The following VCP variants were observed in gnomAD, a reference collection of about 807,000 sequenced individuals.
VCP encodes the protein transitional endoplasmic reticulum ATPase.
Under a neutral mutation model 85.7 loss-of-function variants are expected in VCP, and 6 were observed. The ratio of observed to expected loss-of-function variants is 0.07; its 90% CI spans 0.04 to 0.14. The LOEUF (loss-of-function observed/expected upper bound fraction) is 0.14. VCP is among the 10% of genes least tolerant of loss of function. The pLI, the probability that VCP is intolerant of heterozygous loss-of-function variation, is 1.00. For synonymous variants in VCP, 384 were observed against 367.1 expected (o/e 1.05, Z -0.53); for missense variants, 353 against 1,043.4 (o/e 0.34, Z 9.12).
intron 15 of VCP, among the ~76,000 whole-genome samples, chr9:35,058,299 T>G (rs146365533): frequency 9.2e-5 from 14 of 152,332 alleles, no homozygotes; most frequent in African/African-American, 3.4e-4. Flanking sequence ...GTCCCATGTT[T>G]GGAACTTAAT....
intron 4 of VCP, among the ~76,000 whole-genome samples, chr9:35,065,775 A>T (rs955656101): frequency 3.9e-5 from 6 of 152,178 alleles, no homozygotes; most frequent in Admixed American, 1.3e-4. Flanking sequence ...TGGAACAGAG[A>T]AGGGGAGAGA....
chr9:35,059,711 C>A lies in VCP; in HGVS notation c.1786G>T (p.Ala596Ser), dbSNP rs1828682893. ...ATCTGGTTGATGACTCGGTCAGCAG[C>A]CCCACCACCATCTCCAATGTTACCT... ...RGGNIGDGGGAADRVINQILT... is the reference protein window; with the variant it reads ...RGGNIGDGGGSADRVINQILT... Residue 596 changes from alanine to serine, a missense_variant, in exon 14 of 17, where the codon GCT becomes TCT. Physicochemically the swap from Ala to Ser is moderately conservative, Grantham distance 99. Transcript: ENST00000358901. The surrounding 1 kb of genome is among the most constrained non-coding windows in gnomAD (Gnocchi z 4.9). The A allele has an allele frequency of 1.2e-6, 2 of 1,614,012 alleles. No homozygotes were observed. The highest frequency in any genetic ancestry group is 8.5e-7 in the Non-Finnish European group (1 of 1,180,022).
chr9:35,072,487 C>G lies in VCP; in HGVS notation c.-134G>C. On this transcript the variant is annotated 5_prime_UTR_variant, in exon 1 of 17. Coordinates refer to ENST00000358901, the MANE Select transcript of VCP (RefSeq NM_007126.5). ...GCAGCGGCGACAAACCCGCAAGCGG[C>G]TTCCCTCTCGCTTCCTCCCACCGGC... 3.4e-6 allele frequency: 4 copies of G among 1,192,436 alleles called. No homozygotes were observed. The highest frequency in any genetic ancestry group is 2.6e-4 in the Middle Eastern group (1 of 3,898). The allele number at this position is 1,192,436 out of a possible 1,614,324, so 73.9% of individuals were successfully genotyped here.
chr9:35,072,406 G>T lies in VCP; in HGVS notation c.-53C>A. The T allele has an allele frequency of 1.4e-6, 2 of 1,462,430 alleles. No homozygotes were observed. The highest frequency in any genetic ancestry group is 2.6e-5 in the South Asian group (2 of 75,782). 90.6% of individuals were successfully genotyped at this position (1,462,430 alleles called of 1,614,324 possible). A position where few individuals can be genotyped will look rare whatever the true frequency, so the allele number is the denominator to read the frequency against. On this transcript the variant is annotated 5_prime_UTR_variant, in exon 1 of 17. Coordinates refer to ENST00000358901, the MANE Select transcript of VCP (RefSeq NM_007126.5). ...GTGGCGGCCCGCGGGTAACGGCTAC[G>T]AGCGGTGGCAAGCGACCGACTGGGC...
chr9:35,070,766 T>A (rs1039999131), intron 1 of VCP, among the ~76,000 whole-genome samples: 9 of 152,162 alleles, frequency 5.9e-5, no homozygotes, highest in Non-Finnish European at 8.8e-5. Context: ...CAAAGCTGTA[T>A]CCTAGGAAAA....
chr9:35,072,468 G>C lies in VCP; in HGVS notation c.-115C>G, dbSNP rs1828979860. On this transcript the variant is annotated 5_prime_UTR_variant, in exon 1 of 17. Coordinates refer to ENST00000358901, the MANE Select transcript of VCP (RefSeq NM_007126.5). ...TCTTCCAGGCGGTGGGCGAGCAGCG[G>C]CGACAAACCCGCAAGCGGCTTCCCT... 7.7e-7 allele frequency: 1 copy of C among 1,305,002 alleles called. No homozygotes were observed. The highest frequency in any genetic ancestry group is 9.9e-7 in the Non-Finnish European group (1 of 1,010,432). The allele number at this position is 1,305,002 out of a possible 1,614,324, so 80.8% of individuals were successfully genotyped here. A position where few individuals can be genotyped will look rare whatever the true frequency, so the allele number is the denominator to read the frequency against.
intron 4 of VCP, 91 bp from the exon 5 acceptor site, chr9:35,065,472 T>A: frequency 6.4e-7 from 1 of 1,560,836 alleles, no homozygotes; most frequent in Non-Finnish European, 8.7e-7. Context: ...AATGCCAAGC[T>A]CATTAGATAG....
intron 15 of VCP, 38 bp from the exon 16 acceptor site, chr9:35,057,568 A>G (rs1828635742): frequency 1.2e-6 from 2 of 1,602,292 alleles, no homozygotes; most frequent in East Asian, 4.5e-5. Context: ...GGCTAGTTAA[A>G]GCCCAGCCTG....
chr9:35,060,289 A>G (rs201898330), intron 13 of VCP, 24 bp downstream of exon 13: 1 of 1,612,886 alleles, frequency 6.2e-7, no homozygotes, highest in African/African-American at 1.3e-5. Context: ...AAATCAATAC[A>G]TAGTTCAGCC....
rs1180641732 is a variant in VCP at position 35,063,097 on chromosome 9, A to T, written c.709-17T>A. ...TCTAGGAGGCTGTGGACCAATGCAG[A>T]GTGTGATTAGGTTCCCACCTTCTCC... On this transcript the variant is annotated splice_polypyrimidine_tract_variant and intron_variant, in intron 6 of 16. Coordinates refer to ENST00000358901, the MANE Select transcript of VCP (RefSeq NM_007126.5). 2 of 1,613,264 alleles carry T rather than the reference A, an allele frequency of 1.2e-6. No individual in the cohort carries two copies. The highest frequency in any genetic ancestry group is 1.3e-5 in the African/African-American group (1 of 74,916).
intron 1 of VCP, 155 bp downstream of exon 1, chr9:35,072,182 G>C: frequency 7.0e-7 from 1 of 1,418,854 alleles, no homozygotes; most frequent in South Asian, 1.3e-5. Context: ...GGGCCTGCCG[G>C]GTCCACGGCC....
At chr9:35,068,489 G>A (rs1828877365) in intron 1 of VCP, 127 bp from the exon 2 acceptor site, 1 of 879,294 alleles carries the variant, frequency 1.1e-6, no homozygotes, top group Admixed American at 1.8e-5. Context: ...CTCAGATGAA[G>A]GAAAGGCAGC....
chr9:35,057,562 A>G (rs1828635568), intron 15 of VCP, 32 bp from the exon 16 acceptor site: 1 of 1,602,916 alleles, frequency 6.2e-7, no homozygotes, highest in Non-Finnish European at 8.5e-7. Flanking sequence ...CACTAGGGCT[A>G]GTTAAAGCCC....
At position 35,072,624 on chromosome 9, in the gene VCP, C is replaced by G; in HGVS notation, c.-271G>C. The G allele has an allele frequency of 2.2e-6, 1 of 459,980 alleles. No homozygotes were observed. The allele number at this position is 459,980 out of a possible 1,614,324, so 28.5% of individuals were successfully genotyped here. A position where few individuals can be genotyped will look rare whatever the true frequency, so the allele number is the denominator to read the frequency against. On this transcript the variant is annotated 5_prime_UTR_variant, in exon 1 of 17. Coordinates refer to ENST00000358901, the MANE Select transcript of VCP (RefSeq NM_007126.5). ...GACGGTCGCAGACGCTTCGCTGAGA[C>G]TGAGCCGAGAAGAGCCGAATCATCG...
intron 4 of VCP, 110 bp downstream of exon 4, chr9:35,066,565 G>A (rs999450654): frequency 4.2e-6 from 6 of 1,414,620 alleles, no homozygotes; most frequent in Admixed American, 4.8e-5. Context: ...AAATACAGGG[G>A]AAAAGCATAA....
At chr9:35,071,674 TAAG>T (rs1164265783) in intron 1 of VCP, 1 of 980,728 alleles carries the variant, frequency 1.0e-6, no homozygotes, top group Non-Finnish European at 1.2e-6. Context: ...AGGCCTAAAG[TAAG>T]AAGACCAGAA....
chr9:35,071,162 A>G (rs1828933277), intron 1 of VCP, among the ~76,000 whole-genome samples: 1 of 152,172 alleles, frequency 6.6e-6, no homozygotes, highest in South Asian at 2.1e-4. Context: ...AGAATAAGTG[A>G]CTCTTTTAAA....
Position 35,066,694 on chromosome 9 carries a change from C to T in VCP, c.426G>A (p.Ala142=), listed in dbSNP as rs577812326. 8 of 1,614,020 alleles carry T rather than the reference C, an allele frequency of 5.0e-6. No individual in the cohort carries two copies. Among genetic ancestry groups the T allele is most frequent in the South Asian group, 4.4e-5 (4 of 91,074 alleles). The part of the protein sequence containing the change: ...EVYLKPYFLE[A]YRPIRKGDIF... ...TCTCACCTTTCCGGATGGGTCGATA[C>T]GCTTCCAGGAAGTACGGCTTAAGGT... Residue 142 remains alanine, a synonymous_variant, in exon 4 of 17, where the codon GCG becomes GCA. Transcript: ENST00000358901.
At chr9:35,070,739 A>AGT (rs1828923965) in intron 1 of VCP, among the ~76,000 whole-genome samples, 1 of 152,140 alleles carries the variant, frequency 6.6e-6, no homozygotes, top group Admixed American at 6.5e-5. Context: ...CCCGGTCAAT[A>AGT]GTTTGTATTT....
Sources: allele counts gnomAD v4.1 joint callset (sites outside exome capture counted in the v4.1 genomes callset), GRCh38; gene constraint gnomAD v4.1.1; non-coding constraint Gnocchi (gnomAD v3.1); transcripts MANE v1.5; gene names NCBI Gene and HGNC (gene_info 2026-07-23, HGNC 2026-07-21).